Variants in APBA1 observed in about 807,000 individuals in gnomAD.
APBA1 encodes the protein amyloid-beta A4 precursor protein-binding family A member 1.
A neutral mutation model predicts 86.6 loss-of-function variants in APBA1; 55 were observed. The observed-to-expected ratio is 0.64, with a 90% CI of 0.51 to 0.80. APBA1 has a LOEUF of 0.80. APBA1 is among the 30% of genes least tolerant of loss of function. APBA1 has a pLI of 0.00. For missense variants in APBA1, 1,090 were observed against 1,183.0 expected (o/e 0.92, Z 1.15); for synonymous variants, 511 against 493.9 (o/e 1.03, Z -0.46).
chr9:69,436,254 CA>C (rs1225425248), intron 11 of APBA1, among the ~76,000 whole-genome samples: 6 of 149,860 alleles, frequency 4.0e-5, no homozygotes, highest in Non-Finnish European at 8.9e-5. Context: ...ATTGACTTGG[CA>C]ATGTGGGCTC....
At chr9:69,432,015 T>G (rs1360478965) in intron 12 of APBA1, among the ~76,000 whole-genome samples, 2 of 152,098 alleles carry the variant, frequency 1.3e-5, no homozygotes, top group Non-Finnish European at 2.9e-5. Context: ...ACAGCAGTGA[T>G]GAATGACAGC....
intron 2 of APBA1, 73 bp from the exon 3 acceptor site, chr9:69,476,216 C>T (rs1026162174): frequency 1.8e-5 from 20 of 1,113,646 alleles, no homozygotes; most frequent in Admixed American, 6.0e-5. Flanking sequence ...GGAAAGGGGC[C>T]GGGAGAGAGA....
chr9:69,540,385 A>G (rs772737128), intron 1 of APBA1, among the ~76,000 whole-genome samples: 54 of 152,114 alleles, frequency 3.5e-4, no homozygotes, highest in Non-Finnish European at 6.3e-4. Flanking sequence ...AACACTTGGC[A>G]TGACAGATAC....
At chr9:69,534,549 C>T (rs957537013) in intron 1 of APBA1, among the ~76,000 whole-genome samples, 1 of 152,034 alleles carries the variant, frequency 6.6e-6, no homozygotes, top group Non-Finnish European at 1.5e-5. Flanking sequence ...CCAGAAATGA[C>T]CTGCATTGGA....
chr9:69,492,468 C>T (rs1481416568), intron 2 of APBA1, among the ~76,000 whole-genome samples: 1 of 151,970 alleles, frequency 6.6e-6, no homozygotes, highest in Non-Finnish European at 1.5e-5. Flanking sequence ...ATTTTATTCA[C>T]GGGTAAAATT....
intron 1 of APBA1, among the ~76,000 whole-genome samples, chr9:69,653,325 C>T (rs775701471): frequency 6.6e-5 from 10 of 152,072 alleles, no homozygotes; most frequent in Non-Finnish European, 1.3e-4. Context: ...TATTCATAGA[C>T]CTAAAGGGAG....
intron 1 of APBA1, among the ~76,000 whole-genome samples, chr9:69,577,948 A>C: frequency 6.6e-6 from 1 of 152,154 alleles, no homozygotes; most frequent in Non-Finnish European, 1.5e-5. Context: ...CACTGGCCCA[A>C]CTGGAGAAAG....
At chr9:69,541,374 T>G (rs145910419) in intron 1 of APBA1, among the ~76,000 whole-genome samples, 1 of 152,252 alleles carries the variant, frequency 6.6e-6, no homozygotes, top group East Asian at 1.9e-4. Context: ...TTTTGTTTTG[T>G]TTTTGTTTTT....
intron 1 of APBA1, among the ~76,000 whole-genome samples, chr9:69,647,766 G>A (rs1823420395): frequency 6.6e-6 from 1 of 152,172 alleles, no homozygotes. Context: ...TAATACTATT[G>A]AGTATTTAAA....
At chr9:69,598,977 C>G (rs760286106) in intron 1 of APBA1, among the ~76,000 whole-genome samples, 1 of 152,082 alleles carries the variant, frequency 6.6e-6, no homozygotes, top group Non-Finnish European at 1.5e-5. Context: ...CACAAAAGGA[C>G]AAATATTGTA....
intron 1 of APBA1, among the ~76,000 whole-genome samples, chr9:69,531,409 G>A (rs949712844): frequency 1.3e-5 from 2 of 152,106 alleles, no homozygotes; most frequent in African/African-American, 4.8e-5. Flanking sequence ...TATGAACCAA[G>A]TCCTACACTG....
Position 69,449,790 on chromosome 9 carries a change from T to C in APBA1, c.1975A>G (p.Ile659Val). The stretch of plus-strand genomic sequence containing the variant: ...AGGATTTCTCCTTTCTGCTTCTCTA[T>C]GAAAACCTGGAAGGAGAAAAACATT... ...SKSENCKDVF[I>V]EKQKGEILGV... Residue 659 changes from isoleucine (I) to valine (V), a missense_variant, in exon 10 of 13, where the codon ATA becomes GTA. Ile to Val is a conservative substitution (Grantham distance 29). Coordinates refer to ENST00000265381, the MANE Select transcript of APBA1 (RefSeq NM_001163.4). 6.2e-7 allele frequency: 1 copy of C among 1,609,282 alleles called. No homozygotes were observed. Among genetic ancestry groups the C allele is most frequent in the South Asian group, 1.1e-5 (1 of 91,000 alleles).
chr9:69,522,418 C>T (rs1836268313), intron 1 of APBA1, among the ~76,000 whole-genome samples: 2 of 151,740 alleles, frequency 1.3e-5, no homozygotes, highest in Non-Finnish European at 1.5e-5. Context: ...CTTATTCACT[C>T]ATGCAAACTC....
intron 1 of APBA1, among the ~76,000 whole-genome samples, chr9:69,544,192 T>C (rs1836662046): frequency 6.6e-6 from 1 of 152,212 alleles, no homozygotes; most frequent in African/African-American, 2.4e-5. Flanking sequence ...ATATGTAAGG[T>C]ACCATTAAGG....
At chr9:69,615,350 T>C (rs560104167) in intron 1 of APBA1, among the ~76,000 whole-genome samples, 1 of 152,370 alleles carries the variant, frequency 6.6e-6, no homozygotes, top group Admixed American at 6.5e-5. Flanking sequence ...TGAGTGTTCT[T>C]ATGACAATGC....
At chr9:69,523,501 A>ATATATATATATATATATATG (rs1836292737) in intron 1 of APBA1, among the ~76,000 whole-genome samples, 5 of 31,656 alleles carry the variant, frequency 1.6e-4, no homozygotes, top group South Asian at 1.3e-3. Context: ...ATATATGTAT[A>ATATATATATATATATATATG]TATATATATA....
chr9:69,503,845 T>C (rs1588325423), intron 2 of APBA1, among the ~76,000 whole-genome samples: 1 of 152,104 alleles, frequency 6.6e-6, no homozygotes, highest in Non-Finnish European at 1.5e-5. Flanking sequence ...TGGGATCTCC[T>C]TTCCTGTCAC....
chr9:69,528,422 A>G (rs1345739018), intron 1 of APBA1, among the ~76,000 whole-genome samples: 1 of 152,090 alleles, frequency 6.6e-6, no homozygotes, highest in Non-Finnish European at 1.5e-5. Context: ...AATAAAATAC[A>G]TGAAATAAGC....
At chr9:69,443,367 C>A (rs1588286405) in intron 10 of APBA1, among the ~76,000 whole-genome samples, 1 of 152,190 alleles carries the variant, frequency 6.6e-6, no homozygotes, top group Non-Finnish European at 1.5e-5. Flanking sequence ...GATGATTACA[C>A]CCAAAGATGT....
Sources: allele counts gnomAD v4.1 joint callset (sites outside exome capture counted in the v4.1 genomes callset), GRCh38; gene constraint gnomAD v4.1.1; transcripts MANE v1.5; gene names NCBI Gene and HGNC (gene_info 2026-07-23, HGNC 2026-07-21).